The following MLLT3 variants were observed in gnomAD, a reference collection of about 807,000 sequenced individuals.
MLLT3 encodes protein AF-9.
A neutral mutation model predicts 53.2 loss-of-function variants in MLLT3; 4 were observed. That is an observed-to-expected ratio of 0.08 (90% CI 0.04 to 0.17). The LOEUF is 0.17. Among genes scored for constraint, MLLT3 ranks in the 10% least tolerant of loss-of-function variants. MLLT3 has a pLI of 1.00. For missense variants in MLLT3, 569 were observed against 684.0 expected (o/e 0.83, Z 1.87); for synonymous variants, 283 against 230.6 (o/e 1.23, Z -2.06).
intron 2 of MLLT3, among the ~76,000 whole-genome samples, chr9:20,568,249 A>T (rs1001358678): frequency 6.6e-6 from 1 of 152,180 alleles, no homozygotes; most frequent in Admixed American, 6.6e-5. Context: ...TATTGATGAC[A>T]CAAGATTGTG....
chr9:20,445,220 C>T (rs1823664506), intron 4 of MLLT3, among the ~76,000 whole-genome samples: 1 of 152,066 alleles, frequency 6.6e-6, no homozygotes, highest in Admixed American at 6.6e-5. Context: ...ACTCTGTATT[C>T]AATACTCTCA....
chr9:20,615,081 T>G (rs1820792809), intron 2 of MLLT3, among the ~76,000 whole-genome samples: 1 of 152,148 alleles, frequency 6.6e-6, no homozygotes, highest in Admixed American at 6.5e-5. Context: ...CAATGGCTCA[T>G]GCCTGTAATC....
intron 2 of MLLT3, among the ~76,000 whole-genome samples, chr9:20,520,550 T>C (rs912959916): frequency 6.6e-6 from 1 of 151,828 alleles, no homozygotes; most frequent in African/African-American, 2.4e-5. Flanking sequence ...GGCATATAAA[T>C]AAAAAATAAT....
intron 4 of MLLT3, among the ~76,000 whole-genome samples, chr9:20,429,031 GA>G (rs1823201530): frequency 6.6e-6 from 1 of 152,080 alleles, no homozygotes; most frequent in Admixed American, 6.6e-5. Flanking sequence ...CAAGTTCTAG[GA>G]AAAGATAATT....
At chr9:20,468,754 A>C (rs1167022109) in intron 2 of MLLT3, among the ~76,000 whole-genome samples, 1 of 152,084 alleles carries the variant, frequency 6.6e-6, no homozygotes, top group Non-Finnish European at 1.5e-5. Context: ...TAAAATCCTA[A>C]CATTCAAAGG....
intron 4 of MLLT3, among the ~76,000 whole-genome samples, chr9:20,445,734 T>A (rs1823677556): frequency 6.6e-6 from 1 of 152,168 alleles, no homozygotes; most frequent in Admixed American, 6.5e-5. Context: ...TATATTAAGA[T>A]GAGAAGAGAG....
intron 2 of MLLT3, among the ~76,000 whole-genome samples, chr9:20,482,868 C>T (rs961986015): frequency 2.6e-5 from 4 of 152,184 alleles, no homozygotes; most frequent in African/African-American, 9.7e-5. Flanking sequence ...TTGTTTCTTA[C>T]ATAAATCATG....
intron 5 of MLLT3, among the ~76,000 whole-genome samples, chr9:20,402,467 G>C (rs1329474456): frequency 6.6e-6 from 1 of 152,218 alleles, no homozygotes; most frequent in Non-Finnish European, 1.5e-5. Flanking sequence ...GACAGAGTCA[G>C]ATACTGAAGA....
chr9:20,373,336 G>A (rs1366157761), intron 5 of MLLT3, among the ~76,000 whole-genome samples: 1 of 152,078 alleles, frequency 6.6e-6, no homozygotes, highest in Non-Finnish European at 1.5e-5. Flanking sequence ...ACATTAAATG[G>A]CTATGCAAAA....
intron 5 of MLLT3, among the ~76,000 whole-genome samples, chr9:20,393,509 G>A (rs902832277): frequency 6.6e-6 from 1 of 152,162 alleles, no homozygotes; most frequent in Admixed American, 6.6e-5. Flanking sequence ...ATCTACAGTA[G>A]ACCTTGCTAT....
chr9:20,343,538 A>G lies in MLLT3; in HGVS notation c.*2905T>C. The G allele has an allele frequency of 4.4e-6, 1 of 229,388 alleles. No individual in the cohort carries two copies. Among genetic ancestry groups the G allele is most frequent in the Non-Finnish European group, 8.6e-6 (1 of 115,654 alleles). The allele number at this position is 229,388 out of a possible 1,614,324, so 14.2% of individuals were successfully genotyped here. A position where few individuals can be genotyped will look rare whatever the true frequency, so the allele number is the denominator to read the frequency against. ...GACAGAAGGAACCCCAAACCCACCA[A>G]CACACATCCTGCTGCAAAACCAGAG... On this transcript the variant is annotated 3_prime_UTR_variant, in exon 11 of 11. Transcript: ENST00000380338.
chr9:20,449,753 A>G lies in MLLT3; in HGVS notation c.277-1487T>C, dbSNP rs530126952. 4.6e-5 allele frequency among the ~76,000 whole-genome samples: 7 copies of G among 152,254 alleles called. No homozygotes were observed. The South Asian group carries it at 8.3e-4, about 18-fold the overall frequency. On this transcript the variant is annotated intron_variant, in intron 3 of 10. Transcript: ENST00000380338. ...ACCCCTTCACTTCCACTACAATCTG[A>G]CATGAAATCTACTTTTCCTCTCTCT...
At chr9:20,347,557 T>C (rs919547176) in intron 10 of MLLT3, among the ~76,000 whole-genome samples, 16 of 152,240 alleles carry the variant, frequency 1.1e-4, no homozygotes, top group Non-Finnish European at 1.6e-4. Context: ...ATGAAGGTGA[T>C]GATTGGTTTG....
intron 2 of MLLT3, chr9:20,502,178 T>TA (rs1825261477): frequency 6.5e-6 from 1 of 153,052 alleles, no homozygotes; most frequent in Non-Finnish European, 1.5e-5. Flanking sequence ...TTGACAAAGT[T>TA]AAAATGTAAG....
rs181176994 is a variant in MLLT3 at position 20,549,760 on chromosome 9, C to T, written c.193+70894G>A. Among the ~76,000 whole-genome samples, 78 of 152,306 alleles carry T rather than the reference C, an allele frequency of 5.1e-4. 1 individual carries two copies. Among genetic ancestry groups the T allele is most frequent in the Admixed American group, 5.0e-3 (77 of 15,296 alleles). Reference sequence around the variant, plus strand: ...ACTACCTACTCAGACCTTTTAATCCCACCCTGACAGAAATACAAATACATG... The same window carrying T: ...ACTACCTACTCAGACCTTTTAATCCTACCCTGACAGAAATACAAATACATG... On this transcript the variant is annotated intron_variant, in intron 2 of 10. Coordinates refer to ENST00000380338, the MANE Select transcript of MLLT3 (RefSeq NM_004529.4).
chr9:20,488,495 TAAA>T, intron 2 of MLLT3, among the ~76,000 whole-genome samples: 1 of 152,252 alleles, frequency 6.6e-6, no homozygotes, highest in Admixed American at 6.5e-5. Flanking sequence ...TAGAAGACTT[TAAA>T]TAAAGAGTGC....
At chr9:20,348,819 C>T (rs1338033274) in intron 10 of MLLT3, among the ~76,000 whole-genome samples, 11 of 152,178 alleles carry the variant, frequency 7.2e-5, no homozygotes, top group Admixed American at 6.5e-4. Context: ...AGAAGTCTTC[C>T]ACACATATCC....
chr9:20,587,304 C>T (rs1007619045), intron 2 of MLLT3, among the ~76,000 whole-genome samples: 2 of 151,578 alleles, frequency 1.3e-5, no homozygotes. Flanking sequence ...TTTCTTTATT[C>T]ACTCCTATTA....
intron 2 of MLLT3, among the ~76,000 whole-genome samples, chr9:20,534,712 C>A (rs1228865919): frequency 6.6e-6 from 1 of 152,106 alleles, no homozygotes; most frequent in East Asian, 1.9e-4. Context: ...CAGTGAAACC[C>A]TGTCTCTACT....
Sources: gnomAD v4.1 joint callset for allele counts (sites outside exome capture counted in the v4.1 genomes callset) on GRCh38, gnomAD v4.1.1 for gene constraint, MANE v1.5 for transcripts, NCBI Gene and HGNC (gene_info 2026-07-23, HGNC 2026-07-21) for gene names.